DTNBP1: variants seen among roughly 807,000 people sequenced by gnomAD.
DTNBP1 encodes dystrobrevin binding protein 1, also known as dysbindin.
Under a neutral mutation model 42.8 loss-of-function variants are expected in DTNBP1, and 35 were observed. The ratio of observed to expected loss-of-function variants is 0.82; its 90% CI spans 0.63 to 1.09. DTNBP1 has a LOEUF of 1.09. Among genes scored for constraint, DTNBP1 ranks in the 50% least tolerant of loss-of-function variants. The probability of loss-of-function intolerance (pLI) is 0.00; values close to 1 mark genes in which losing one functional copy is unlikely to be tolerated. For synonymous variants in DTNBP1, 171 were observed against 162.2 expected, an observed-to-expected ratio of 1.05 and a Z score of -0.41; for missense variants, 457 against 424.2, an observed-to-expected ratio of 1.08 and a Z score of -0.68.
intron 6 of DTNBP1, among the ~76,000 whole-genome samples, chr6:15,614,013 C>T (rs1394518283): frequency 6.6e-6 from 1 of 152,072 alleles, no homozygotes; most frequent in African/African-American, 2.4e-5. Flanking sequence ...GAATGGACTC[C>T]CCAAGGATGA....
chr6:15,640,881 C>CAACCCCTGGACAGGTAGCCATG (rs1285339100), intron 3 of DTNBP1, among the ~76,000 whole-genome samples: 4 of 152,172 alleles, frequency 2.6e-5, no homozygotes, highest in Admixed American at 2.0e-4. Context: ...TCCACCACCC[C>CAACCCCTGGACAGGTAGCCATG]AACCCCTGGA....
At chr6:15,545,410 G>C (rs1402322805) in intron 7 of DTNBP1, among the ~76,000 whole-genome samples, 1 of 152,164 alleles carries the variant, frequency 6.6e-6, no homozygotes, top group African/African-American at 2.4e-5. Context: ...AAACAATTCT[G>C]TGCATGCTAA....
At chr6:15,526,396 T>G (rs62396141) in intron 8 of DTNBP1, among the ~76,000 whole-genome samples, 1,636 of 152,298 alleles carry the variant, frequency 0.011, 20 homozygotes, top group Admixed American at 0.028. Flanking sequence ...CGACGTGAGA[T>G]TGCGGCTTCA....
intron 7 of DTNBP1, among the ~76,000 whole-genome samples, chr6:15,546,926 C>CTTTTTTTTTTTT (rs10711026): frequency 3.4e-5 from 4 of 116,172 alleles, no homozygotes; most frequent in Admixed American, 8.8e-5. Context: ...TTCTTTCTTT[C>CTTTTTTTTTTTT]TTTTTTTTTT....
chr6:15,597,589 C>T (rs1297038588), intron 6 of DTNBP1, among the ~76,000 whole-genome samples: 2 of 152,176 alleles, frequency 1.3e-5, no homozygotes, highest in African/African-American at 4.8e-5. Context: ...AGTGATCTCT[C>T]CTTTATCAAA....
In DTNBP1 at chr6:15,524,423, G is replaced by T. The variant is rs146992186; in HGVS notation, c.811+103C>A. ...CCAGGAGCTGGCTGTGAGCTTGGGG[G>T]TTTATGCGTAAGTGACTGGCAGATG... On this transcript the variant is annotated intron_variant, in intron 9 of 9. Transcript: ENST00000344537. 10 of 1,614,194 alleles carry T rather than the reference G, an allele frequency of 6.2e-6. No homozygotes were observed. The South Asian group carries it at 9.9e-5, about 16-fold the overall frequency.
intron 5 of DTNBP1, among the ~76,000 whole-genome samples, chr6:15,621,091 G>A (rs1481084776): frequency 1.3e-5 from 2 of 152,098 alleles, no homozygotes; most frequent in Non-Finnish European, 1.5e-5. Flanking sequence ...AGATCAAAAT[G>A]TCAACAACAT....
intron 7 of DTNBP1, among the ~76,000 whole-genome samples, chr6:15,572,073 C>T (rs1775362057): frequency 6.6e-6 from 1 of 152,074 alleles, no homozygotes; most frequent in African/African-American, 2.4e-5. Context: ...TTAGGAGTCA[C>T]ATAAACAGGA....
At chr6:15,574,971 A>G (rs532416281) in intron 7 of DTNBP1, among the ~76,000 whole-genome samples, 1 of 152,218 alleles carries the variant, frequency 6.6e-6, no homozygotes, top group Non-Finnish European at 1.5e-5. Flanking sequence ...TTTCACAAAC[A>G]TAAACATAAT....
chr6:15,610,005 T>C (rs1387307054), intron 6 of DTNBP1, among the ~76,000 whole-genome samples: 1 of 152,210 alleles, frequency 6.6e-6, no homozygotes, highest in Non-Finnish European at 1.5e-5. Flanking sequence ...GAAAAGGGCC[T>C]AAACAGTCTT....
rs1343086374 is a variant in DTNBP1 at position 15,587,742 on chromosome 6, G to A, written c.511+5317C>T. 6.6e-6 allele frequency among the ~76,000 whole-genome samples: 1 copy of A among 152,146 alleles called. No individual in the cohort carries two copies. On this transcript the variant is annotated intron_variant, in intron 7 of 9. Transcript: ENST00000344537. This position sits in a 1 kb window ranked among gnomAD's most constrained non-coding sequence, Gnocchi z 4.1. ...GCCAAAAAATGGTTCTGAGACAACT[G>A]AATATCGATACGTAAAAAAATGAAG...
At chr6:15,649,406 C>A (rs570446863) in intron 3 of DTNBP1, among the ~76,000 whole-genome samples, 91 of 152,266 alleles carry the variant, frequency 6.0e-4, no homozygotes, top group African/African-American at 2.1e-3. Flanking sequence ...GCCGGTCACA[C>A]ACAAAAGTAC....
rs558939509 is a variant in DTNBP1, at chr6:15,523,531, G to A, written c.812-312C>T. The A allele has an allele frequency of 2.1e-4, 266 of 1,269,910 alleles. No homozygotes were observed. In the South Asian group the frequency reaches 3.6e-3, roughly 17 times the overall value. 78.7% of individuals were successfully genotyped at this position (1,269,910 alleles called of 1,614,324 possible). A position where few individuals can be genotyped will look rare whatever the true frequency, so the allele number is the denominator to read the frequency against. ...GGCAAGTGCTGCCTATCTTTGAGGA[G>A]CAGTCCTTGTAACCTTGATAATCTA... On this transcript the variant is annotated intron_variant, in intron 9 of 9. Coordinates refer to ENST00000344537, the MANE Select transcript of DTNBP1 (RefSeq NM_032122.5).
At chr6:15,615,448 C>T in intron 5 of DTNBP1, 49 bp from the exon 6 acceptor site, 1 of 1,605,744 alleles carries the variant, frequency 6.2e-7, no homozygotes, top group Non-Finnish European at 8.5e-7. Flanking sequence ...AATCCTCAAT[C>T]ATGATGAATA....
chr6:15,631,616 C>T (rs1014444093), intron 4 of DTNBP1, among the ~76,000 whole-genome samples: 1 of 152,264 alleles, frequency 6.6e-6, no homozygotes, highest in African/African-American at 2.4e-5. Flanking sequence ...ACCAAGCTTG[C>T]TACAAACATT....
rs149669190 is a variant in DTNBP1 at position 15,645,655 on chromosome 6, T to A, written c.161+5658A>T. ...AACAAACACAAATCAATGAATGTGATTTACCACATAAACAGAGTTAAAAGC... is the reference window on the plus strand; with the variant it reads ...AACAAACACAAATCAATGAATGTGAATTACCACATAAACAGAGTTAAAAGC... On this transcript the variant is annotated intron_variant, in intron 3 of 9. Coordinates refer to ENST00000344537, the MANE Select transcript of DTNBP1 (RefSeq NM_032122.5). 3.9e-3 allele frequency among the ~76,000 whole-genome samples: 590 copies of A among 152,188 alleles called. 12 individuals carry two copies. Among genetic ancestry groups the A allele is most frequent in the Middle Eastern group, 3.4e-3 (1 of 294 alleles).
intron 7 of DTNBP1, among the ~76,000 whole-genome samples, chr6:15,566,286 GC>G (rs1195614616): frequency 2.1e-5 from 3 of 140,352 alleles, no homozygotes; most frequent in Non-Finnish European, 3.0e-5. Context: ...CTGCACTCCA[GC>G]CTGGGCGACA....
intron 3 of DTNBP1, 132 bp downstream of exon 3, chr6:15,651,181 T>C (rs1266907094): frequency 2.4e-6 from 2 of 846,832 alleles, no homozygotes; most frequent in Non-Finnish European, 3.9e-6. Flanking sequence ...AAATAATACA[T>C]AAATAATTTC....
At chr6:15,561,871 T>G (rs757871891) in intron 7 of DTNBP1, among the ~76,000 whole-genome samples, 1 of 152,256 alleles carries the variant, frequency 6.6e-6, no homozygotes, top group Non-Finnish European at 1.5e-5. Context: ...AGAATGGTGA[T>G]GGAAGGGACC....
Sources: gnomAD v4.1 joint callset for allele counts (sites outside exome capture counted in the v4.1 genomes callset) on GRCh38, gnomAD v4.1.1 for gene constraint, Gnocchi (gnomAD v3.1) non-coding constraint, MANE v1.5 for transcripts, NCBI Gene and HGNC (gene_info 2026-07-23, HGNC 2026-07-21) for gene names.